THADA: variants seen among roughly 807,000 people sequenced by gnomAD.
THADA encodes THADA armadillo repeat containing.
THADA carries 213 observed loss-of-function variants against 219.8 expected under a neutral mutation model. The observed-to-expected ratio is 0.97, with a 90% CI of 0.87 to 1.09. The LOEUF is 1.09. Among genes scored for constraint, THADA ranks in the 50% least tolerant of loss-of-function variants. THADA has a pLI of 0.00. For synonymous variants in THADA, 1,018 were observed against 828.9 expected (o/e 1.23, Z -3.92); for missense variants, 2,956 against 2,311.3 (o/e 1.28, Z -5.72).
intron 36 of THADA, among the ~76,000 whole-genome samples, chr2:43,274,754 T>G (rs1320264507): frequency 6.6e-6 from 1 of 151,970 alleles, no homozygotes; most frequent in Admixed American, 6.5e-5. Flanking sequence ...CAGAACTACT[T>G]GGAGACAGTA....
intron 28 of THADA, among the ~76,000 whole-genome samples, chr2:43,423,920 G>C (rs1382356988): frequency 6.6e-6 from 1 of 152,172 alleles, no homozygotes; most frequent in East Asian, 1.9e-4. Context: ...AGCCAGTCAA[G>C]GTTCTTTTTA....
chr2:43,370,416 T>G (rs1393843515), intron 29 of THADA, among the ~76,000 whole-genome samples: 1 of 152,168 alleles, frequency 6.6e-6, no homozygotes, highest in Non-Finnish European at 1.5e-5. Context: ...GGCAGGCCGC[T>G]TTCGGGAAAG....
At chr2:43,238,790 A>G (rs1372566215) in intron 36 of THADA, among the ~76,000 whole-genome samples, 1 of 152,200 alleles carries the variant, frequency 6.6e-6, no homozygotes, top group Non-Finnish European at 1.5e-5. Context: ...CACAAAAGGG[A>G]ATGAAGAAGC....
chr2:43,440,163 TTA>T lies in THADA; in HGVS notation c.3837-9863_3837-9862del, dbSNP rs1320184977. Among the ~76,000 whole-genome samples, 10 of 152,348 alleles carry T rather than the reference TTA, an allele frequency of 6.6e-5. No homozygotes were observed. In the East Asian group the frequency reaches 1.9e-3, roughly 29 times the overall value. ...ATTCAGTGCATACAGGTATATACTT[TTA>T]GTTTGTAGTTTTTTTCCTTACAAAT... On this transcript the variant is annotated intron_variant, in intron 26 of 37. Transcript: ENST00000405975.
intron 26 of THADA, among the ~76,000 whole-genome samples, chr2:43,464,233 T>C (rs964267403): frequency 1.3e-5 from 2 of 152,142 alleles, no homozygotes; most frequent in South Asian, 2.1e-4. Context: ...TCTATAATAG[T>C]AGCTTTGAGC....
intron 31 of THADA, among the ~76,000 whole-genome samples, chr2:43,312,240 C>T (rs1205864215): frequency 1.3e-5 from 2 of 151,190 alleles, no homozygotes; most frequent in African/African-American, 2.4e-5. Flanking sequence ...CACAGATGTT[C>T]TGAGACCCTA....
At chr2:43,477,754 G>T (rs1166124394) in intron 26 of THADA, among the ~76,000 whole-genome samples, 1 of 152,222 alleles carries the variant, frequency 6.6e-6, no homozygotes, top group Non-Finnish European at 1.5e-5. Context: ...CAGTGCCTAT[G>T]CAGACTAAGT....
At chr2:43,311,300 A>G (rs1401361146) in intron 31 of THADA, among the ~76,000 whole-genome samples, 2 of 152,218 alleles carry the variant, frequency 1.3e-5, no homozygotes, top group African/African-American at 4.8e-5. Flanking sequence ...TCATTAGGGA[A>G]ATGCAAATCA....
intron 20 of THADA, among the ~76,000 whole-genome samples, chr2:43,541,600 C>G (rs1043618153): frequency 1.3e-5 from 2 of 152,024 alleles, no homozygotes; most frequent in African/African-American, 4.8e-5. Context: ...CCTTGACCTC[C>G]CAGGCTCATG....
At chr2:43,520,348 G>T (rs2103678004) in intron 22 of THADA, among the ~76,000 whole-genome samples, 1 of 152,248 alleles carries the variant, frequency 6.6e-6, no homozygotes, top group South Asian at 2.1e-4. Context: ...CTTAAAAGGG[G>T]TTCAAGGTTC....
At chr2:43,285,465 T>G (rs543717197) in intron 35 of THADA, among the ~76,000 whole-genome samples, 2 of 152,212 alleles carry the variant, frequency 1.3e-5, no homozygotes, top group East Asian at 3.8e-4. Flanking sequence ...TCTGCCATAA[T>G]TGTTAAGTTT....
At chr2:43,377,211 G>C (rs1671480800) in intron 29 of THADA, among the ~76,000 whole-genome samples, 1 of 152,150 alleles carries the variant, frequency 6.6e-6, no homozygotes, top group Non-Finnish European at 1.5e-5. Flanking sequence ...GAATTGTTTA[G>C]AGTTTAGATA....
rs528931600 is a variant in THADA, at chr2:43,562,337, T to G, written c.2312-1952A>C. On this transcript the variant is annotated intron_variant, in intron 15 of 37. Transcript: ENST00000405975. ...TCAGCCCATTGAAACCTCAGCCTCCTGGGTTCAGGCAATTCTCCTGCCTCA... is the reference window on the plus strand; with the variant it reads ...TCAGCCCATTGAAACCTCAGCCTCCGGGGTTCAGGCAATTCTCCTGCCTCA... 7 of 152,342 alleles carry G rather than the reference T, an allele frequency of 4.6e-5. No homozygotes were observed. In the East Asian group the frequency reaches 7.7e-4, roughly 17 times the overall value. The allele number at this position is 152,342 out of a possible 1,614,324, so 9.4% of individuals were successfully genotyped here. A position where few individuals can be genotyped will look rare whatever the true frequency, so the allele number is the denominator to read the frequency against.
At chr2:43,468,233 C>T (rs895177983) in intron 26 of THADA, among the ~76,000 whole-genome samples, 1 of 152,070 alleles carries the variant, frequency 6.6e-6, no homozygotes, top group Non-Finnish European at 1.5e-5. Flanking sequence ...TAGGGAGTAA[C>T]GCTGTTGTTA....
At chr2:43,457,740 T>A (rs1462088086) in intron 26 of THADA, among the ~76,000 whole-genome samples, 1 of 152,220 alleles carries the variant, frequency 6.6e-6, no homozygotes, top group Non-Finnish European at 1.5e-5. Flanking sequence ...TTTTTTCTTT[T>A]GTCCAATTCA....
At chr2:43,504,503 T>C (rs756810522) in intron 24 of THADA, among the ~76,000 whole-genome samples, 2 of 152,246 alleles carry the variant, frequency 1.3e-5, no homozygotes, top group Non-Finnish European at 2.9e-5. Flanking sequence ...AATAAAATCA[T>C]ATGTACTTAT....
rs941475780 is a variant in THADA, at chr2:43,583,762, G to C, written c.534-1834C>G. Among the ~76,000 whole-genome samples the C allele has an allele frequency of 3.9e-5, 6 of 152,300 alleles. No homozygotes were observed. In the South Asian group the frequency reaches 8.3e-4, roughly 21 times the overall value. The stretch of plus-strand genomic sequence containing the variant: ...AAATTCTGATATATGCTACAAACGT[G>C]GAAGACCCTCGAAAACACGCCTGTA... On this transcript the variant is annotated intron_variant, in intron 7 of 37. Transcript: ENST00000405975.
At chr2:43,470,223 AAAAG>A (rs1684748031) in intron 26 of THADA, among the ~76,000 whole-genome samples, 1 of 146,172 alleles carries the variant, frequency 6.8e-6, no homozygotes, top group Admixed American at 6.7e-5. Context: ...AAAAAAAAAA[AAAAG>A]AAAGAAGGAA....
At chr2:43,428,671 T>C (rs1678830891) in intron 27 of THADA, among the ~76,000 whole-genome samples, 1 of 152,218 alleles carries the variant, frequency 6.6e-6, no homozygotes, top group South Asian at 2.1e-4. Flanking sequence ...TTTTTCTTTT[T>C]TTTTTCTACG....
Sources: gnomAD v4.1 joint callset for allele counts (sites outside exome capture counted in the v4.1 genomes callset) on GRCh38, gnomAD v4.1.1 for gene constraint, MANE v1.5 for transcripts, NCBI Gene and HGNC (gene_info 2026-07-23, HGNC 2026-07-21) for gene names.